Variants in ARPP21 observed in about 807,000 individuals in gnomAD.
ARPP21 encodes the protein cAMP regulated phosphoprotein 21, also known as cAMP-regulated phosphoprotein 21.
In ARPP21, 69 loss-of-function variants were observed where a neutral mutation model predicts 113.2. The ratio of observed to expected loss-of-function variants is 0.61; its 90% confidence interval spans 0.50 to 0.74. The LOEUF is 0.74. ARPP21 is among the 30% of genes least tolerant of loss of function. The pLI is 0.00. For synonymous variants in ARPP21, 368 were observed against 375.5 expected, an observed-to-expected ratio of 0.98 and a Z score of 0.23; for missense variants, 1,070 against 1,037.4, an observed-to-expected ratio of 1.03 and a Z score of -0.43.
chr3:35,727,661 T>C (rs1178317650), intron 14 of ARPP21, among the ~76,000 whole-genome samples: 1 of 152,246 alleles, frequency 6.6e-6, no homozygotes, highest in African/African-American at 2.4e-5. Context: ...TAGTGTAGGC[T>C]GATGATTTAA....
chr3:35,685,977 C>G (rs2080441734), intron 5 of ARPP21: 1 of 201,536 alleles, frequency 5.0e-6, no homozygotes, highest in Non-Finnish European at 8.8e-6. Flanking sequence ...TTTGTCAACA[C>G]ATGGCATCAG....
chr3:35,748,175 AAAAGAAAG>A lies in ARPP21; in HGVS notation c.2137+4224_2137+4231del, dbSNP rs202024890. On this transcript the variant is annotated intron_variant, in intron 19 of 20. Coordinates refer to ENST00000684406, the MANE Select transcript of ARPP21 (RefSeq NM_001385562.1). ...AGAGAGAAAGAACAGAACAGAAAAG[AAAAGAAAG>A]AAAGAAAGAAAGAGAGAGAGAGGGA... 2.5e-3 allele frequency among the ~76,000 whole-genome samples: 332 copies of A among 132,264 alleles called. 1 individual carries two copies. Among genetic ancestry groups the A allele is most frequent in the African/African-American group, 9.1e-3 (291 of 32,008 alleles). The allele number at this position is 132,264 out of a possible 152,430, so 86.8% of individuals were successfully genotyped here. A position where few individuals can be genotyped will look rare whatever the true frequency, so the allele number is the denominator to read the frequency against.
chr3:35,642,189 G>C (rs1698319875), intron 1 of ARPP21: 1 of 152,172 alleles, frequency 6.6e-6, no homozygotes, highest in Non-Finnish European at 1.5e-5. Flanking sequence ...GCAAATTGCT[G>C]ATCTCCCAGT....
intron 9 of ARPP21, among the ~76,000 whole-genome samples, chr3:35,697,408 T>C (rs543920092): frequency 6.6e-6 from 1 of 151,748 alleles, no homozygotes; most frequent in African/African-American, 2.4e-5. Flanking sequence ...CCTGGAGTGA[T>C]GAATGGTGTG....
chr3:35,740,644 T>C (rs1320661286), intron 18 of ARPP21, among the ~76,000 whole-genome samples: 1 of 152,216 alleles, frequency 6.6e-6, no homozygotes, highest in Non-Finnish European at 1.5e-5. Flanking sequence ...AAAGTATTAA[T>C]ACTTTTACCA....
chr3:35,764,162 CA>C (rs2095873047), intron 19 of ARPP21, among the ~76,000 whole-genome samples: 1 of 151,938 alleles, frequency 6.6e-6, no homozygotes, highest in Non-Finnish European at 1.5e-5. Flanking sequence ...AAGATTATGG[CA>C]AAAGTTTTCA....
chr3:35,775,212 G>A (rs965264756), intron 19 of ARPP21, among the ~76,000 whole-genome samples: 2 of 152,100 alleles, frequency 1.3e-5, no homozygotes, highest in African/African-American at 4.8e-5. Flanking sequence ...ATGCCAAGCT[G>A]TTTTAAATAG....
intron 19 of ARPP21, among the ~76,000 whole-genome samples, chr3:35,766,697 T>G (rs2095991372): frequency 6.6e-6 from 1 of 152,162 alleles, no homozygotes; most frequent in African/African-American, 2.4e-5. Flanking sequence ...TGTAAGCAGT[T>G]TTATCATTTG....
intron 9 of ARPP21, among the ~76,000 whole-genome samples, chr3:35,706,090 T>G (rs1576087863): frequency 6.6e-6 from 1 of 152,094 alleles, no homozygotes. Flanking sequence ...GCTTCAGAAG[T>G]AATATATCAG....
At chr3:35,667,968 AGAAGAAGAAGAAGAAGAAGAAGAAGAAG>A (rs2075131402) in intron 1 of ARPP21, among the ~76,000 whole-genome samples, 1 of 120,100 alleles carries the variant, frequency 8.3e-6, no homozygotes. Flanking sequence ...AAGAAGAAGA[AGAAGAAGAAGAAGAAGAAGAAGAAGAAG>A]AAGAAGAAGA....
intron 15 of ARPP21, among the ~76,000 whole-genome samples, chr3:35,736,399 G>A (rs942048138): frequency 5.9e-5 from 9 of 152,092 alleles, no homozygotes; most frequent in African/African-American, 1.9e-4. Flanking sequence ...ACAGAGAAAT[G>A]ATACCTTTCT....
intron 1 of ARPP21, among the ~76,000 whole-genome samples, chr3:35,663,731 C>T (rs1708878901): frequency 1.3e-5 from 2 of 152,090 alleles, no homozygotes; most frequent in African/African-American, 4.8e-5. Context: ...GGCACGCTCA[C>T]CCCCACAGTC....
At chr3:35,722,942 T>A (rs984613540) in intron 14 of ARPP21, among the ~76,000 whole-genome samples, 8 of 152,162 alleles carry the variant, frequency 5.3e-5, no homozygotes, top group African/African-American at 1.9e-4. Context: ...TGAACTGAAG[T>A]TTGTGATTTT....
Position 35,689,347 on chromosome 3 carries a change from A to G in ARPP21, c.447A>G (p.Leu149=), listed in dbSNP as rs757312091. The G allele has an allele frequency of 3.8e-6, 6 of 1,587,214 alleles. No individual in the cohort carries two copies. In the South Asian group the frequency reaches 5.5e-5, roughly 15 times the overall value. The change falls in exon 7 of 21, where the codon TTA becomes TTG. Residue 149 remains leucine (L), a synonymous_variant. Transcript: ENST00000684406. The stretch of plus-strand genomic sequence containing the variant: ...ACACGGATTCTACAGGCATAGACTT[A>G]CACGAGTTTCTGATTAACACATTAA... The part of the protein sequence containing the change: ...QEYTDSTGID[L]HEFLINTLKN...
At chr3:35,734,071 T>C (rs1300522977) in intron 15 of ARPP21, among the ~76,000 whole-genome samples, 1 of 152,192 alleles carries the variant, frequency 6.6e-6, no homozygotes, top group African/African-American at 2.4e-5. Flanking sequence ...TTCCTTTCCA[T>C]TGTGCATGTA....
intron 18 of ARPP21, among the ~76,000 whole-genome samples, chr3:35,741,025 C>CT (rs1365013994): frequency 2.0e-5 from 3 of 152,054 alleles, no homozygotes; most frequent in Admixed American, 1.3e-4. Context: ...TCGCTTGAGC[C>CT]TGGGATGTCA....
At chr3:35,717,025 A>T (rs1265874855) in intron 12 of ARPP21, among the ~76,000 whole-genome samples, 2 of 152,012 alleles carry the variant, frequency 1.3e-5, no homozygotes, top group African/African-American at 4.8e-5. Context: ...TTAAATCTCT[A>T]TTATACCTAT....
At chr3:35,793,647 G>A (rs770156274) in intron 20 of ARPP21, 54 bp from the exon 21 acceptor site, 7 of 1,308,140 alleles carry the variant, frequency 5.4e-6, no homozygotes, top group Non-Finnish European at 6.6e-6. Context: ...GTTGTTTATT[G>A]TACAGACCAA....
At chr3:35,703,861 A>G (rs1359226582) in intron 9 of ARPP21, among the ~76,000 whole-genome samples, 1 of 151,936 alleles carries the variant, frequency 6.6e-6, no homozygotes, top group Non-Finnish European at 1.5e-5. Flanking sequence ...CTTAGAAATA[A>G]TATTGCTACG....
Sources: allele counts gnomAD v4.1 joint callset (sites outside exome capture counted in the v4.1 genomes callset), GRCh38; gene constraint gnomAD v4.1.1; transcripts MANE v1.5; gene names NCBI Gene and HGNC (gene_info 2026-07-23, HGNC 2026-07-21).